MACROD1: variants seen among roughly 807,000 people sequenced by gnomAD.
MACROD1 encodes mono-ADP ribosylhydrolase 1.
In MACROD1, 31 loss-of-function variants were observed where a neutral mutation model predicts 41.4. The observed-to-expected ratio is 0.75, with a 90% confidence interval of 0.56 to 1.01. The LOEUF (loss-of-function observed/expected upper bound fraction) is 1.01. MACROD1 is among the 50% of genes least tolerant of loss of function. The pLI is 0.00. For missense variants in MACROD1, 473 were observed against 460.0 expected (o/e 1.03, Z -0.26); for synonymous variants, 252 against 203.4 (o/e 1.24, Z -2.03).
At position 63,999,265 on chromosome 11, in the gene MACROD1, C is replaced by A. The variant is rs1942773237; in HGVS notation, c.891+66G>T. 2.0e-6 allele frequency: 3 copies of A among 1,518,042 alleles called. No individual in the cohort carries two copies. The East Asian group carries it at 7.3e-5, about 37-fold the overall frequency. The allele number at this position is 1,518,042 out of a possible 1,614,324, so 94.0% of individuals were successfully genotyped here. ...GCGCTCTGCACCCTGACTCCCTGGGCGATGATGGGGGCTGGTCACTCTGGC... is the reference window on the plus strand; with the variant it reads ...GCGCTCTGCACCCTGACTCCCTGGGAGATGATGGGGGCTGGTCACTCTGGC... On this transcript the variant is annotated intron_variant, in intron 8 of 10. Transcript: ENST00000255681.
chr11:63,998,776 G>A (rs1167852670), intron 10 of MACROD1, 62 bp downstream of exon 10: 61 of 1,443,292 alleles, frequency 4.2e-5, no homozygotes, highest in Non-Finnish European at 4.6e-5. Flanking sequence ...GGGGGTGAGC[G>A]GGGGTTAGTG....
chr11:64,156,852 G>C (rs1341380020), intron 1 of MACROD1, among the ~76,000 whole-genome samples: 2 of 152,206 alleles, frequency 1.3e-5, no homozygotes, highest in African/African-American at 4.8e-5. Context: ...CAGAAGGCCA[G>C]CAGGCCAGAC....
chr11:64,118,048 G>A, intron 3 of MACROD1: 1 of 1,613,458 alleles, frequency 6.2e-7, no homozygotes, highest in Non-Finnish European at 8.5e-7. Context: ...AACCGGGGCA[G>A]CAGGAAAAAG....
At chr11:64,039,624 C>A (rs772306282) in intron 3 of MACROD1, among the ~76,000 whole-genome samples, 5 of 152,214 alleles carry the variant, frequency 3.3e-5, no homozygotes, top group Non-Finnish European at 7.3e-5. Flanking sequence ...CCCCGGACAG[C>A]CTGCCTGGAG....
intron 3 of MACROD1, among the ~76,000 whole-genome samples, chr11:64,137,660 CAAGGGCAGATAT>C (rs1945350701): frequency 6.6e-6 from 1 of 152,102 alleles, no homozygotes; most frequent in Non-Finnish European, 1.5e-5. Context: ...GTGTAAACTA[CAAGGGCAGATAT>C]GAGCCGTAGT....
chr11:64,139,449 C>T (rs1945378305), intron 3 of MACROD1, among the ~76,000 whole-genome samples: 2 of 152,196 alleles, frequency 1.3e-5, no homozygotes, highest in South Asian at 2.1e-4. Flanking sequence ...GCTCGGGCTG[C>T]CCCCACCGCA....
chr11:64,125,203 T>C (rs117146042), intron 3 of MACROD1, among the ~76,000 whole-genome samples: 1 of 151,994 alleles, frequency 6.6e-6, no homozygotes, highest in Non-Finnish European at 1.5e-5. Flanking sequence ...CCCCACGTCC[T>C]AACAAAGCCA....
At chr11:64,153,406 G>A (rs1945615628) in intron 1 of MACROD1, among the ~76,000 whole-genome samples, 2 of 152,186 alleles carry the variant, frequency 1.3e-5, no homozygotes, top group South Asian at 4.1e-4. Flanking sequence ...AGAGCAATTA[G>A]AGGAGGTGGT....
At chr11:64,118,437 G>C (rs948259308) in intron 3 of MACROD1, 4 of 1,011,808 alleles carry the variant, frequency 4.0e-6, no homozygotes, top group Non-Finnish European at 5.4e-6. Flanking sequence ...GTTTGGGGAG[G>C]GCTGACGATT....
At chr11:64,005,911 T>C (rs886934437) in intron 4 of MACROD1, among the ~76,000 whole-genome samples, 2 of 151,926 alleles carry the variant, frequency 1.3e-5, no homozygotes, top group African/African-American at 4.8e-5. Context: ...GGACCAGGGG[T>C]CTGGGCTCCA....
rs1590934834 is a variant in MACROD1, at chr11:64,117,911, G to T, written c.517+33328C>A. ...ACCAGGAGCAGAACGCTGGCCCCATGGCGAGCCTGCCCCTGGCGGGCATCA... is the reference window on the plus strand; with the variant it reads ...ACCAGGAGCAGAACGCTGGCCCCATTGCGAGCCTGCCCCTGGCGGGCATCA... On this transcript the variant is annotated intron_variant, in intron 3 of 10. Transcript: ENST00000255681. 1 of 1,613,906 alleles carries T rather than the reference G, an allele frequency of 6.2e-7. No individual in the cohort carries two copies. The highest frequency in any genetic ancestry group is 1.7e-5 in the Admixed American group (1 of 60,032).
In MACROD1 at chr11:64,096,540, C is replaced by G. The variant is rs1297396756; in HGVS notation, c.517+54699G>C. On this transcript the variant is annotated intron_variant, in intron 3 of 10. Transcript: ENST00000255681. This position sits in a 1 kb window ranked among gnomAD's most constrained non-coding sequence, Gnocchi z 4.6. ...AAGCAATTCTCTTGCCTCAGCCCAC[C>G]GAGTAGCTGGGATTACAGGCGCCTG... Among the ~76,000 whole-genome samples the G allele has an allele frequency of 6.6e-6, 1 of 152,052 alleles. No individual in the cohort carries two copies. Among genetic ancestry groups the G allele is most frequent in the Non-Finnish European group, 1.5e-5 (1 of 68,004 alleles).
intron 3 of MACROD1, among the ~76,000 whole-genome samples, chr11:64,054,645 A>G (rs1334804572): frequency 6.6e-6 from 1 of 152,082 alleles, no homozygotes; most frequent in Non-Finnish European, 1.5e-5. Flanking sequence ...TGGGTGGAGT[A>G]CTTGGTGAGG....
At chr11:64,162,871 A>G (rs1205879540) in intron 1 of MACROD1, among the ~76,000 whole-genome samples, 3 of 151,956 alleles carry the variant, frequency 2.0e-5, no homozygotes, top group African/African-American at 7.3e-5. Flanking sequence ...CTGTAACCCC[A>G]GCACTCCGGG....
At position 63,999,413 on chromosome 11, in the gene MACROD1, G is replaced by A; in HGVS notation, c.818-9C>T. 6.4e-7 allele frequency: 1 copy of A among 1,569,156 alleles called. No individual in the cohort carries two copies. The highest frequency in any genetic ancestry group is 8.6e-7 in the Non-Finnish European group (1 of 1,160,750). On this transcript the variant is annotated splice_polypyrimidine_tract_variant and intron_variant, in intron 7 of 10. Coordinates refer to ENST00000255681, the MANE Select transcript of MACROD1 (RefSeq NM_014067.4). ...CGCCTCACAGGGGTAGCCTGAGGCGGGTGGGGCGGGAGTGAGTCCTAGGCT... is the reference window on the plus strand; with the variant it reads ...CGCCTCACAGGGGTAGCCTGAGGCGAGTGGGGCGGGAGTGAGTCCTAGGCT...
At chr11:64,157,430 T>C (rs1265914559) in intron 1 of MACROD1, among the ~76,000 whole-genome samples, 2 of 152,166 alleles carry the variant, frequency 1.3e-5, no homozygotes, top group East Asian at 1.9e-4. Flanking sequence ...CACCTCCTCC[T>C]GTAAGAAGGA....
intron 3 of MACROD1, among the ~76,000 whole-genome samples, chr11:64,056,346 C>T (rs1409455545): frequency 2.0e-5 from 3 of 152,188 alleles, no homozygotes; most frequent in Admixed American, 6.5e-5. Context: ...CGCCACTCCC[C>T]GCCCAGGCTC....
chr11:64,100,537 A>C (rs1590907954), intron 3 of MACROD1, among the ~76,000 whole-genome samples: 2 of 152,222 alleles, frequency 1.3e-5, no homozygotes, highest in African/African-American at 4.8e-5. Flanking sequence ...CACTCGAGCC[A>C]GAAGGGTGGC....
chr11:64,128,761 T>C (rs1280135980), intron 3 of MACROD1, among the ~76,000 whole-genome samples: 2 of 152,048 alleles, frequency 1.3e-5, no homozygotes, highest in African/African-American at 4.8e-5. Context: ...CTTTCTCACC[T>C]GCACAGGTGA....
Sources: gnomAD v4.1 joint callset for allele counts (sites outside exome capture counted in the v4.1 genomes callset) on GRCh38, gnomAD v4.1.1 for gene constraint, Gnocchi (gnomAD v3.1) non-coding constraint, MANE v1.5 for transcripts, NCBI Gene and HGNC (gene_info 2026-07-23, HGNC 2026-07-21) for gene names.